DAP: variants seen among roughly 807,000 people sequenced by gnomAD.
The protein encoded by DAP is death associated protein.
A neutral mutation model predicts 13.8 loss-of-function variants in DAP; 8 were observed. The ratio of observed to expected loss-of-function variants is 0.58; its 90% CI spans 0.34 to 1.05. The LOEUF is 1.05. Among genes scored for constraint, DAP ranks in the 50% least tolerant of loss-of-function variants. The pLI, the probability that DAP is intolerant of heterozygous loss-of-function variation, is 0.03. For synonymous variants in DAP, 47 were observed against 47.5 expected, an observed-to-expected ratio of 0.99 and a Z score of 0.04; for missense variants, 106 against 133.2, an observed-to-expected ratio of 0.80 and a Z score of 1.01.
At chr5:10,683,384 G>T (rs574543750) in intron 3 of DAP, 145 bp downstream of exon 3, 7 of 855,996 alleles carry the variant, frequency 8.2e-6, no homozygotes, top group Non-Finnish European at 1.4e-5. Context: ...GGGAAACGCG[G>T]CAATGAAGAG....
intron 3 of DAP, 28 bp downstream of exon 3, chr5:10,683,501 A>T (rs1018957693): frequency 1.2e-6 from 2 of 1,613,230 alleles, no homozygotes; most frequent in Admixed American, 1.7e-5. Flanking sequence ...AAAAGCCTCA[A>T]ACCCACCGCA....
rs571009070 is a variant in DAP at position 10,754,553 on chromosome 5, T to C, written c.56-6282A>G. Among the ~76,000 whole-genome samples, 3 of 152,308 alleles carry C rather than the reference T, an allele frequency of 2.0e-5. No homozygotes were observed. The South Asian group carries it at 6.2e-4, about 32-fold the overall frequency. On this transcript the variant is annotated intron_variant, in intron 1 of 3. Coordinates refer to ENST00000230895, the MANE Select transcript of DAP (RefSeq NM_004394.3). ...AAACACTCCATCTTCCACAGCAGTG[T>C]GTGTTCCATCCTTGACATAGTTTCT...
intron 1 of DAP, among the ~76,000 whole-genome samples, chr5:10,752,186 G>A (rs1326443706): frequency 1.3e-5 from 2 of 152,218 alleles, no homozygotes; most frequent in Non-Finnish European, 2.9e-5. Context: ...TCAAGGCTCA[G>A]TCACCCAGCA....
intron 2 of DAP, among the ~76,000 whole-genome samples, chr5:10,729,629 C>T (rs1184112962): frequency 1.3e-5 from 2 of 152,152 alleles, no homozygotes; most frequent in Non-Finnish European, 2.9e-5. Context: ...TTCGGTTGTC[C>T]CTACCTAGAA....
rs551227598 is a variant in DAP, at chr5:10,717,084, A to G, written c.152+31091T>C. Among the ~76,000 whole-genome samples the G allele has an allele frequency of 4.6e-5, 7 of 152,326 alleles. No homozygotes were observed. The South Asian group carries it at 1.2e-3, about 27-fold the overall frequency. On this transcript the variant is annotated intron_variant, in intron 2 of 3. Transcript: ENST00000230895. ...AAGGAGTTCACTCACTCTATACATAATACCTTTGACCATATGTGGAGAACC... is the reference window on the plus strand; with the variant it reads ...AAGGAGTTCACTCACTCTATACATAGTACCTTTGACCATATGTGGAGAACC...
rs150905007 is a variant in DAP at position 10,726,184 on chromosome 5, G to A, written c.152+21991C>T. On this transcript the variant is annotated intron_variant, in intron 2 of 3. Transcript: ENST00000230895. ...ACAGTTGTCATTTATACTCTCTTCC[G>A]CCTCCCCTCTGGAGTCCTTATAAAT... Among the ~76,000 whole-genome samples the A allele has an allele frequency of 2.5e-3, 387 of 152,326 alleles. 2 individuals are homozygous for A. The highest frequency in any genetic ancestry group is 9.0e-3 in the African/African-American group (375 of 41,560).
Position 10,761,143 on chromosome 5 carries a change from A to G in DAP, c.-75T>C, listed in dbSNP as rs984060894. ...CGGGCGGGCGTGCGCGAGTGAGCTC[A>G]GGTGTGAGCGCCGGGGAGCGAGCGG... On this transcript the variant is annotated 5_prime_UTR_variant, in exon 1 of 4. Transcript: ENST00000230895. 3 of 874,798 alleles carry G rather than the reference A, an allele frequency of 3.4e-6. No individual in the cohort carries two copies. The African/African-American group carries it at 5.4e-5, about 16-fold the overall frequency. The allele number at this position is 874,798 out of a possible 1,614,324, so 54.2% of individuals were successfully genotyped here.
intron 3 of DAP, among the ~76,000 whole-genome samples, chr5:10,681,588 C>A (rs1007470011): frequency 7.0e-6 from 1 of 143,568 alleles, no homozygotes; most frequent in Non-Finnish European, 1.5e-5. Flanking sequence ...GTGAGGAACC[C>A]CCAGGCCAGC....
chr5:10,706,344 A>T (rs888163787), intron 2 of DAP, among the ~76,000 whole-genome samples: 2 of 152,222 alleles, frequency 1.3e-5, no homozygotes, highest in Non-Finnish European at 2.9e-5. Context: ...AGGTAATATT[A>T]TTAATAATCA....
rs548762939 is a variant in DAP, at chr5:10,704,156, C to T, written c.153-20585G>A. On this transcript the variant is annotated intron_variant, in intron 2 of 3. Coordinates refer to ENST00000230895, the MANE Select transcript of DAP (RefSeq NM_004394.3). The stretch of plus-strand genomic sequence containing the variant: ...TTGGGGCTACATAGGTTTCAGAATT[C>T]AGGATTTTTCAAGTTTTATAAAGGC... 2.0e-5 allele frequency among the ~76,000 whole-genome samples: 3 copies of T among 152,256 alleles called. No homozygotes were observed. In the South Asian group the frequency reaches 6.2e-4, roughly 32 times the overall value.
chr5:10,746,331 TTG>T (rs1491395423), intron 2 of DAP, among the ~76,000 whole-genome samples: 70 of 134,444 alleles, frequency 5.2e-4, no homozygotes, highest in African/African-American at 2.1e-3. Context: ...CGTTTTTTTT[TTG>T]TTTTTTTTTT....
At chr5:10,700,210 C>T (rs960314052) in intron 2 of DAP, among the ~76,000 whole-genome samples, 2 of 152,190 alleles carry the variant, frequency 1.3e-5, no homozygotes, top group African/African-American at 2.4e-5. Context: ...GCTATGTACA[C>T]GTAGACATCT....
At chr5:10,724,096 A>G (rs960363457) in intron 2 of DAP, among the ~76,000 whole-genome samples, 28 of 152,238 alleles carry the variant, frequency 1.8e-4, no homozygotes, top group African/African-American at 6.8e-4. Flanking sequence ...TTATACAATA[A>G]TTTCTGGTAA....
intron 1 of DAP, among the ~76,000 whole-genome samples, chr5:10,756,041 A>G (rs1441281942): frequency 6.6e-6 from 1 of 152,198 alleles, no homozygotes; most frequent in East Asian, 1.9e-4. Flanking sequence ...CCAGCTACTC[A>G]GCACACTGAG....
intron 2 of DAP, among the ~76,000 whole-genome samples, chr5:10,719,308 G>C (rs960285867): frequency 6.6e-6 from 1 of 152,178 alleles, no homozygotes; most frequent in African/African-American, 2.4e-5. Flanking sequence ...AGAGGGCTCT[G>C]CAACAGGTCC....
chr5:10,757,489 G>C (rs527769723), intron 1 of DAP, among the ~76,000 whole-genome samples: 60 of 152,252 alleles, frequency 3.9e-4, no homozygotes, highest in Middle Eastern at 3.4e-3. Flanking sequence ...GGCCAGGCTA[G>C]TCTTGAACTC....
At chr5:10,746,362 T>C (rs937553368) in intron 2 of DAP, among the ~76,000 whole-genome samples, 1 of 150,026 alleles carries the variant, frequency 6.7e-6, no homozygotes, top group African/African-American at 2.5e-5. Flanking sequence ...AAGAGTTTTG[T>C]TCTGTTGCCC....
chr5:10,730,839 G>C (rs186868636), intron 2 of DAP, among the ~76,000 whole-genome samples: 2 of 112,846 alleles, frequency 1.8e-5, no homozygotes, highest in Admixed American at 9.4e-5. Context: ...GAGCCCTGGT[G>C]GGGGGGAAAT....
rs541709813 is a variant in DAP, at chr5:10,759,986, C to T, written c.55+1028G>A. On this transcript the variant is annotated intron_variant, in intron 1 of 3. Coordinates refer to ENST00000230895, the MANE Select transcript of DAP (RefSeq NM_004394.3). ...TCCAGGCTAGTCTTGAACTCCTGAC[C>T]TCAAGTGATCCACCCTCCTTGGCCT... Among the ~76,000 whole-genome samples the T allele has an allele frequency of 2.0e-5, 3 of 152,100 alleles. No homozygotes were observed. The South Asian group carries it at 6.2e-4, about 32-fold the overall frequency.
Sources: gnomAD v4.1 joint callset for allele counts (sites outside exome capture counted in the v4.1 genomes callset) on GRCh38, gnomAD v4.1.1 for gene constraint, MANE v1.5 for transcripts, NCBI Gene and HGNC (gene_info 2026-07-23, HGNC 2026-07-21) for gene names.